Variants in RASSF8 observed in about 807,000 individuals in gnomAD.
RASSF8 encodes the protein ras association domain-containing protein 8.
Under a neutral mutation model 48.5 loss-of-function variants are expected in RASSF8, and 22 were observed. That is an observed-to-expected ratio of 0.45 (90% CI 0.32 to 0.65). The LOEUF (loss-of-function observed/expected upper bound fraction) is 0.65. RASSF8 is among the 30% of genes least tolerant of loss of function. The pLI is 0.03. For synonymous variants in RASSF8, 127 were observed against 171.5 expected (o/e 0.74, Z 2.03); for missense variants, 418 against 489.2 (o/e 0.85, Z 1.37).
intron 1 of RASSF8, among the ~76,000 whole-genome samples, chr12:25,967,109 G>A (rs7953358): frequency 0.013 from 1,945 of 152,274 alleles, 46 homozygotes; most frequent in African/African-American, 0.045. Context: ...ATATACACAT[G>A]GTATTACACA....
intron 2 of RASSF8, among the ~76,000 whole-genome samples, chr12:26,012,469 T>C (rs1262886289): frequency 6.6e-6 from 1 of 152,168 alleles, no homozygotes; most frequent in African/African-American, 2.4e-5. Context: ...ATAAACAGCT[T>C]CCTGTGTTTC....
At chr12:25,972,049 T>C (rs1398820697) in intron 1 of RASSF8, among the ~76,000 whole-genome samples, 1 of 152,206 alleles carries the variant, frequency 6.6e-6, no homozygotes, top group Non-Finnish European at 1.5e-5. Context: ...AGCTAGTCGT[T>C]GAGTGAATTT....
At chr12:26,025,913 T>C (rs59607736) in intron 2 of RASSF8, among the ~76,000 whole-genome samples, 1,846 of 152,172 alleles carry the variant, frequency 0.012, 45 homozygotes, top group African/African-American at 0.043. Context: ...AGACATCTCA[T>C]GTTCATGGAT....
At chr12:25,983,219 A>G (rs1306615586) in intron 1 of RASSF8, among the ~76,000 whole-genome samples, 3 of 142,674 alleles carry the variant, frequency 2.1e-5, no homozygotes, top group Non-Finnish European at 4.5e-5. Context: ...ATATGAGTAA[A>G]TTGCAAGTGA....
At chr12:25,991,694 C>G (rs1312303841) in intron 1 of RASSF8, among the ~76,000 whole-genome samples, 1 of 152,146 alleles carries the variant, frequency 6.6e-6, no homozygotes, top group Non-Finnish European at 1.5e-5. Flanking sequence ...TGGCTTATAT[C>G]AGGACAAGTG....
intron 1 of RASSF8, among the ~76,000 whole-genome samples, chr12:25,972,115 A>G (rs1015238373): frequency 1.3e-5 from 2 of 152,236 alleles, no homozygotes; most frequent in Non-Finnish European, 2.9e-5. Flanking sequence ...GTGAAGACCA[A>G]ACGAATAATT....
At chr12:26,065,942 C>CTT (rs370043160) in intron 4 of RASSF8, among the ~76,000 whole-genome samples, 3 of 152,268 alleles carry the variant, frequency 2.0e-5, no homozygotes, top group African/African-American at 7.2e-5. Flanking sequence ...ACCCTAATCA[C>CTT]TCAACTTACA....
chr12:25,959,277 TC>T (rs1280319914), intron 1 of RASSF8, 129 bp downstream of exon 1: 11 of 152,422 alleles, frequency 7.2e-5, no homozygotes, highest in African/African-American at 2.6e-4. Context: ...CCTCGTCCGT[TC>T]CGCCCCCACC....
chr12:26,020,509 A>C (rs1052475960), intron 2 of RASSF8: 4 of 152,248 alleles, frequency 2.6e-5, no homozygotes, highest in African/African-American at 9.6e-5. Flanking sequence ...AAAACACTTT[A>C]CAAAGAGATT....
intron 3 of RASSF8, among the ~76,000 whole-genome samples, chr12:26,063,592 G>T (rs189490857): frequency 1.4e-4 from 21 of 152,214 alleles, no homozygotes; most frequent in Non-Finnish European, 2.5e-4. Context: ...TAGAGACAGG[G>T]TTCTGCCATG....
At chr12:25,962,323 C>T (rs572821120) in intron 1 of RASSF8, among the ~76,000 whole-genome samples, 1 of 152,152 alleles carries the variant, frequency 6.6e-6, no homozygotes, top group Non-Finnish European at 1.5e-5. Context: ...GCTCAAATGT[C>T]CTTTCTCATA....
intron 1 of RASSF8, among the ~76,000 whole-genome samples, chr12:25,987,315 C>A (rs1213008342): frequency 6.6e-6 from 1 of 152,178 alleles, no homozygotes; most frequent in Non-Finnish European, 1.5e-5. Flanking sequence ...CACAGTACAT[C>A]TTGTGAGCTA....
At chr12:26,000,529 T>C (rs1426826798) in intron 2 of RASSF8, among the ~76,000 whole-genome samples, 1 of 152,196 alleles carries the variant, frequency 6.6e-6, no homozygotes, top group African/African-American at 2.4e-5. Flanking sequence ...ATTGGTAATA[T>C]ACAGTCATCT....
chr12:26,001,797 A>G (rs1030731482), intron 2 of RASSF8, among the ~76,000 whole-genome samples: 4 of 152,210 alleles, frequency 2.6e-5, no homozygotes, highest in Admixed American at 1.3e-4. Context: ...TAAAAAAAAA[A>G]AGGAAGGAAT....
At chr12:25,991,045 AT>A (rs1408036984) in intron 1 of RASSF8, among the ~76,000 whole-genome samples, 1 of 152,096 alleles carries the variant, frequency 6.6e-6, no homozygotes, top group Non-Finnish European at 1.5e-5. Flanking sequence ...AACTCTTCTC[AT>A]TTTTACAGTA....
In RASSF8 at chr12:26,058,538, G is replaced by A. The variant is rs12366685; in HGVS notation, c.103+3092G>A. Among the ~76,000 whole-genome samples the A allele has an allele frequency of 1.2e-3, 175 of 149,106 alleles. 1 individual carries two copies. Among genetic ancestry groups the A allele is most frequent in the African/African-American group, 1.7e-3 (67 of 40,516 alleles). ...ACTACACACATGCGCACGCGCGCGC[G>A]CACACACACACACACACACACACAG... On this transcript the variant is annotated intron_variant, in intron 3 of 5. Coordinates refer to ENST00000689635, the MANE Select transcript of RASSF8 (RefSeq NM_001394098.1).
chr12:26,021,246 T>A (rs1317758597), intron 2 of RASSF8, among the ~76,000 whole-genome samples: 4 of 152,120 alleles, frequency 2.6e-5, no homozygotes, highest in Non-Finnish European at 5.9e-5. Flanking sequence ...TGAAGAAACA[T>A]ATATTTAAGA....
chr12:26,031,317 A>G (rs1943025782), intron 2 of RASSF8, among the ~76,000 whole-genome samples: 1 of 152,116 alleles, frequency 6.6e-6, no homozygotes, highest in Non-Finnish European at 1.5e-5. Flanking sequence ...AGATTGTTTC[A>G]GTATTTTTTT....
At chr12:26,078,915 C>A in intron 5 of RASSF8, 5 of 905,148 alleles carry the variant, frequency 5.5e-6, no homozygotes, top group Non-Finnish European at 7.5e-6. Context: ...AAGGCGCTAA[C>A]CGAAAAGACA....
Sources: gnomAD v4.1 joint callset for allele counts (sites outside exome capture counted in the v4.1 genomes callset) on GRCh38, gnomAD v4.1.1 for gene constraint, MANE v1.5 for transcripts, NCBI Gene and HGNC (gene_info 2026-07-23, HGNC 2026-07-21) for gene names.